The following LDLRAD3 variants were observed in gnomAD, a reference collection of about 807,000 sequenced individuals.
LDLRAD3 encodes the protein low density lipoprotein receptor class A domain containing 3, also known as low-density lipoprotein receptor class A domain-containing protein 3.
Under a neutral mutation model 29.4 loss-of-function variants are expected in LDLRAD3, and 20 were observed. That is an observed-to-expected ratio of 0.68 (90% CI 0.48 to 0.99). The LOEUF (loss-of-function observed/expected upper bound fraction) is 0.99. Among genes scored for constraint, LDLRAD3 ranks in the 50% least tolerant of loss-of-function variants. The pLI is 0.00. For synonymous variants in LDLRAD3, 157 were observed against 192.7 expected, an observed-to-expected ratio of 0.81 and a Z score of 1.53; for missense variants, 420 against 454.3, an observed-to-expected ratio of 0.92 and a Z score of 0.69.
At chr11:36,128,502 C>G (rs946142134) in intron 4 of LDLRAD3, among the ~76,000 whole-genome samples, 10 of 152,096 alleles carry the variant, frequency 6.6e-5, no homozygotes, top group African/African-American at 1.9e-4. Context: ...GACTTTATCT[C>G]GAGAGCAGTG....
At chr11:35,985,291 C>T (rs1301930807) in intron 1 of LDLRAD3, among the ~76,000 whole-genome samples, 2 of 152,194 alleles carry the variant, frequency 1.3e-5, no homozygotes, top group East Asian at 3.8e-4. Flanking sequence ...TGTGGATTCC[C>T]TATTGCATGT....
At chr11:36,004,128 A>G (rs1387138229) in intron 1 of LDLRAD3, among the ~76,000 whole-genome samples, 1 of 152,184 alleles carries the variant, frequency 6.6e-6, no homozygotes, top group African/African-American at 2.4e-5. Context: ...AAATACAATT[A>G]TCTCTTCTCA....
chr11:36,151,849 T>C (rs1854282802), intron 4 of LDLRAD3, among the ~76,000 whole-genome samples: 1 of 152,190 alleles, frequency 6.6e-6, no homozygotes, highest in Non-Finnish European at 1.5e-5. Context: ...CTGAGTACTA[T>C]TGTCTTGTCT....
intron 4 of LDLRAD3, among the ~76,000 whole-genome samples, chr11:36,206,519 A>G (rs1590355842): frequency 6.6e-6 from 1 of 152,164 alleles, no homozygotes; most frequent in African/African-American, 2.4e-5. Context: ...ATTTCTAGTT[A>G]GGGAACTCAG....
intron 2 of LDLRAD3, among the ~76,000 whole-genome samples, chr11:36,072,490 A>G (rs1852923316): frequency 6.6e-6 from 1 of 152,124 alleles, no homozygotes; most frequent in African/African-American, 2.4e-5. Context: ...CCTTCTATAC[A>G]AGGCCTGGAC....
chr11:36,202,506 G>A (rs1316531831), intron 4 of LDLRAD3, among the ~76,000 whole-genome samples: 1 of 152,190 alleles, frequency 6.6e-6, no homozygotes, highest in Non-Finnish European at 1.5e-5. Flanking sequence ...TGAGACTTGA[G>A]GAACTTGTTC....
rs1413695924 is a variant in LDLRAD3 at position 35,944,304 on chromosome 11, T to TGCCGAGGGGCC, written c.46+165_46+175dup. On this transcript the variant is annotated intron_variant, in intron 1 of 5. Coordinates refer to ENST00000315571, the MANE Select transcript of LDLRAD3 (RefSeq NM_174902.4). This position sits in a 1 kb window ranked among gnomAD's most constrained non-coding sequence, Gnocchi z 4.9. Reference sequence around the variant, plus strand: ...CCCGGCGCCGGGCTGGCCCGGACCCTGCCGAGGGGCCGCCGCGGGGTGCGA... The same window carrying TGCCGAGGGGCC: ...CCCGGCGCCGGGCTGGCCCGGACCCTGCCGAGGGGCCGCCGAGGGGCCGCCGCGGGGTGCGA... Among the ~76,000 whole-genome samples the TGCCGAGGGGCC allele has an allele frequency of 1.3e-5, 2 of 151,172 alleles. No homozygotes were observed. The highest frequency in any genetic ancestry group is 4.8e-5 in the African/African-American group (2 of 41,332).
Position 36,229,518 on chromosome 11 carries a change from A to G in LDLRAD3, c.*121A>G, listed in dbSNP as rs192944899. 218 of 703,376 alleles carry G rather than the reference A, an allele frequency of 3.1e-4. 1 individual carries two copies. The East Asian group carries it at 4.1e-3, about 13-fold the overall frequency. 43.6% of individuals were successfully genotyped at this position (703,376 alleles called of 1,614,324 possible). A position where few individuals can be genotyped will look rare whatever the true frequency, so the allele number is the denominator to read the frequency against. On this transcript the variant is annotated 3_prime_UTR_variant, in exon 6 of 6. Transcript: ENST00000315571. ...AGGGTGTCTCAAGTTACAGTTTGGG[A>G]TATTAACTATCTCTGCATTCCCCTC...
rs199561724 is a variant in LDLRAD3 at position 36,036,107 on chromosome 11, C to T, written c.51C>T (p.Ser17=). The T allele has an allele frequency of 2.6e-4, 423 of 1,613,586 alleles. 1 individual carries two copies. Among genetic ancestry groups the T allele is most frequent in the Middle Eastern group, 9.9e-4 (6 of 6,078 alleles). ...LCLLLSSAAE[S]QLLPGNNFTN... ...CCTGTCCCCTCTCTCTGACAGAGAGCCAGCTGCTCCCCGGGAACAACTTCA... is the reference window on the plus strand; with the variant it reads ...CCTGTCCCCTCTCTCTGACAGAGAGTCAGCTGCTCCCCGGGAACAACTTCA... Residue 17 remains serine, a synonymous_variant, in exon 2 of 6, where the codon AGC becomes AGT. Transcript: ENST00000315571.
At chr11:36,046,384 A>T (rs1269362729) in intron 2 of LDLRAD3, among the ~76,000 whole-genome samples, 2 of 152,136 alleles carry the variant, frequency 1.3e-5, no homozygotes, top group African/African-American at 4.8e-5. Context: ...AGTCTCAGGT[A>T]TGTCTTTATT....
At chr11:36,152,264 T>A (rs1854288406) in intron 4 of LDLRAD3, among the ~76,000 whole-genome samples, 1 of 152,210 alleles carries the variant, frequency 6.6e-6, no homozygotes, top group South Asian at 2.1e-4. Context: ...AGGGAATCTT[T>A]CCATTTTAAA....
At chr11:36,180,187 C>G (rs994129927) in intron 4 of LDLRAD3, among the ~76,000 whole-genome samples, 3 of 152,190 alleles carry the variant, frequency 2.0e-5, no homozygotes, top group South Asian at 4.1e-4. Flanking sequence ...AGTTGAAGGT[C>G]TCTTCCATCC....
At chr11:35,967,198 CT>C in intron 1 of LDLRAD3, 1 of 202,460 alleles carries the variant, frequency 4.9e-6, no homozygotes. Flanking sequence ...CTGTCTTGGA[CT>C]TTTCCAAATT....
intron 1 of LDLRAD3, among the ~76,000 whole-genome samples, chr11:35,947,029 G>T (rs147732752): frequency 1.3e-5 from 2 of 152,142 alleles, no homozygotes; most frequent in Non-Finnish European, 2.9e-5. Flanking sequence ...TGGGATAAGT[G>T]GGGGAGGGAG....
intron 4 of LDLRAD3, among the ~76,000 whole-genome samples, chr11:36,127,124 A>G (rs905390371): frequency 6.6e-6 from 1 of 152,214 alleles, no homozygotes; most frequent in African/African-American, 2.4e-5. Flanking sequence ...ATTCTTGTCA[A>G]CACTTGATCT....
At chr11:36,227,873 G>A (rs1166928357) in intron 5 of LDLRAD3, among the ~76,000 whole-genome samples, 1 of 152,224 alleles carries the variant, frequency 6.6e-6, no homozygotes, top group Non-Finnish European at 1.5e-5. Flanking sequence ...GTACATGTGA[G>A]AGGTTTGGTT....
At chr11:35,979,576 C>A (rs115563817) in intron 1 of LDLRAD3, among the ~76,000 whole-genome samples, 1 of 152,110 alleles carries the variant, frequency 6.6e-6, no homozygotes, top group African/African-American at 2.4e-5. Flanking sequence ...CTCAGGTTAG[C>A]GGAGCTTTAG....
At chr11:35,967,676 C>A (rs1217390575) in intron 1 of LDLRAD3, 4 of 470,660 alleles carry the variant, frequency 8.5e-6, no homozygotes, top group African/African-American at 8.1e-5. Flanking sequence ...GAAGGTTTTA[C>A]AAGGTTTCAT....
chr11:36,187,148 C>G (rs942669165), intron 4 of LDLRAD3, among the ~76,000 whole-genome samples: 18 of 152,112 alleles, frequency 1.2e-4, no homozygotes, highest in Non-Finnish European at 2.5e-4. Flanking sequence ...TTTCTCAGAT[C>G]CTAGGGTTTT....
Sources: gnomAD v4.1 joint callset for allele counts (sites outside exome capture counted in the v4.1 genomes callset) on GRCh38, gnomAD v4.1.1 for gene constraint, Gnocchi (gnomAD v3.1) non-coding constraint, MANE v1.5 for transcripts, NCBI Gene and HGNC (gene_info 2026-07-23, HGNC 2026-07-21) for gene names.